Variants in ARPP21 observed in about 807,000 individuals in gnomAD.
ARPP21 encodes cAMP regulated phosphoprotein 21.
ARPP21 carries 69 observed loss-of-function variants against 113.2 expected under a neutral mutation model. The observed-to-expected ratio is 0.61, with a 90% CI of 0.50 to 0.74. The LOEUF is 0.74. Among genes scored for constraint, ARPP21 ranks in the 30% least tolerant of loss-of-function variants. The pLI is 0.00. For missense variants in ARPP21, 1,070 were observed against 1,037.4 expected (o/e 1.03, Z -0.43); for synonymous variants, 368 against 375.5 (o/e 0.98, Z 0.23).
intron 9 of ARPP21, among the ~76,000 whole-genome samples, chr3:35,704,157 A>C (rs2087682630): frequency 6.6e-6 from 1 of 151,892 alleles, no homozygotes; most frequent in Admixed American, 6.6e-5. Flanking sequence ...CAAAAGGATT[A>C]ATAATTTGAA....
chr3:35,738,208 C>T lies in ARPP21; in HGVS notation c.1645-6C>T, dbSNP rs1182329406. 2.6e-6 allele frequency: 4 copies of T among 1,525,878 alleles called. No homozygotes were observed. The East Asian group carries it at 9.8e-5, about 37-fold the overall frequency. The allele number at this position is 1,525,878 out of a possible 1,614,324, so 94.5% of individuals were successfully genotyped here. ...TGTCAGCTGATCAATTTTTTCTTTC[C>T]TCCAGTCTGTCCAGGGGCTGCAGGC... On this transcript the variant is annotated splice_region_variant and splice_polypyrimidine_tract_variant and intron_variant, in intron 16 of 20. Coordinates refer to ENST00000684406, the MANE Select transcript of ARPP21 (RefSeq NM_001385562.1).
At chr3:35,700,067 C>A (rs2085710011) in intron 9 of ARPP21, among the ~76,000 whole-genome samples, 1 of 151,778 alleles carries the variant, frequency 6.6e-6, no homozygotes, top group Non-Finnish European at 1.5e-5. Context: ...ACCATAGTTT[C>A]TAAAATTTGT....
chr3:35,746,422 C>T (rs1161597194), intron 19 of ARPP21, among the ~76,000 whole-genome samples: 1 of 152,168 alleles, frequency 6.6e-6, no homozygotes. Flanking sequence ...TGTGGATGGA[C>T]TATCTCATAG....
intron 9 of ARPP21, among the ~76,000 whole-genome samples, chr3:35,694,963 A>G (rs1316008236): frequency 1.4e-5 from 2 of 147,744 alleles, no homozygotes; most frequent in Non-Finnish European, 3.0e-5. Flanking sequence ...AATGTATATT[A>G]TATATAAAGT....
chr3:35,685,033 T>G, intron 5 of ARPP21: 1 of 984,952 alleles, frequency 1.0e-6, no homozygotes, highest in Non-Finnish European at 1.2e-6. Context: ...ATTGATGGCT[T>G]GTAATGTACT....
intron 1 of ARPP21, among the ~76,000 whole-genome samples, chr3:35,646,071 G>A (rs374333111): frequency 2.6e-5 from 4 of 152,064 alleles, no homozygotes; most frequent in Admixed American, 1.3e-4. Flanking sequence ...AGTGATTCAA[G>A]TTGCTTTCAG....
At chr3:35,770,593 T>C (rs2096164266) in intron 19 of ARPP21, among the ~76,000 whole-genome samples, 1 of 152,222 alleles carries the variant, frequency 6.6e-6, no homozygotes, top group South Asian at 2.1e-4. Flanking sequence ...TTTAGAAAAG[T>C]GAATGCACTT....
At chr3:35,665,091 A>G (rs35322917) in intron 1 of ARPP21, among the ~76,000 whole-genome samples, 3,599 of 152,336 alleles carry the variant, frequency 0.024, 62 homozygotes, top group Non-Finnish European at 0.034. Flanking sequence ...TTAAAAGTTA[A>G]AAGCTGAGTG....
At chr3:35,673,784 A>C (rs977790150) in intron 1 of ARPP21, among the ~76,000 whole-genome samples, 3 of 152,022 alleles carry the variant, frequency 2.0e-5, no homozygotes, top group Non-Finnish European at 4.4e-5. Flanking sequence ...CTCTAACTGC[A>C]TCACATTTGT....
intron 19 of ARPP21, among the ~76,000 whole-genome samples, chr3:35,766,831 ATGTG>A (rs10662640): frequency 7.3e-5 from 11 of 149,980 alleles, no homozygotes; most frequent in African/African-American, 2.7e-4. Flanking sequence ...TATTATACAT[ATGTG>A]TGTGTGTGTG....
chr3:35,749,008 C>T (rs1258495756), intron 19 of ARPP21, among the ~76,000 whole-genome samples: 1 of 152,178 alleles, frequency 6.6e-6, no homozygotes, highest in Non-Finnish European at 1.5e-5. Context: ...ATGTGTTAAG[C>T]ATTTTATTGG....
chr3:35,683,536 A>G (rs151090252), intron 4 of ARPP21, among the ~76,000 whole-genome samples, 190 bp from the exon 5 acceptor site: 32 of 151,804 alleles, frequency 2.1e-4, no homozygotes, highest in South Asian at 4.2e-4. Context: ...CTTTACTTCT[A>G]TCCCCATCAA....
chr3:35,773,111 T>C (rs2096255946), intron 19 of ARPP21, among the ~76,000 whole-genome samples: 1 of 152,172 alleles, frequency 6.6e-6, no homozygotes, highest in African/African-American at 2.4e-5. Context: ...GTATATCATC[T>C]TAAGGATAAA....
At chr3:35,707,621 C>T (rs1039505316) in intron 10 of ARPP21, 5 of 440,640 alleles carry the variant, frequency 1.1e-5, no homozygotes, top group African/African-American at 8.0e-5. Flanking sequence ...AGTCTTTTAT[C>T]CCCTCTCCTT....
intron 10 of ARPP21, 148 bp from the exon 11 acceptor site, chr3:35,708,821 A>G: frequency 3.1e-6 from 2 of 636,854 alleles, no homozygotes; most frequent in Non-Finnish European, 5.5e-6. Context: ...TGCACCCAAC[A>G]CAGCCTCCTC....
intron 19 of ARPP21, among the ~76,000 whole-genome samples, chr3:35,755,460 A>G (rs2095539493): frequency 6.6e-6 from 1 of 151,852 alleles, no homozygotes; most frequent in Non-Finnish European, 1.5e-5. Context: ...GATGCTGCTC[A>G]TGTTATGTTT....
intron 19 of ARPP21, 182 bp from the exon 20 acceptor site, chr3:35,792,200 G>T: frequency 3.2e-6 from 2 of 619,368 alleles, no homozygotes; most frequent in Non-Finnish European, 5.8e-6. Context: ...CCATAATCTT[G>T]TTCACTCTTA....
At chr3:35,710,118 A>G (rs967445709) in intron 11 of ARPP21, among the ~76,000 whole-genome samples, 5 of 151,876 alleles carry the variant, frequency 3.3e-5, no homozygotes, top group African/African-American at 1.2e-4. Flanking sequence ...CCCGCCCCCT[A>G]CAACCCCCGC....
chr3:35,729,604 G>T (rs1344675770), intron 15 of ARPP21, 68 bp downstream of exon 15: 2 of 1,352,970 alleles, frequency 1.5e-6, no homozygotes, highest in Admixed American at 3.6e-5. Context: ...TTGATCTTAT[G>T]AATTTGCTAG....
Sources: allele counts gnomAD v4.1 joint callset (sites outside exome capture counted in the v4.1 genomes callset), GRCh38; gene constraint gnomAD v4.1.1; transcripts MANE v1.5; gene names NCBI Gene and HGNC (gene_info 2026-07-23, HGNC 2026-07-21).